NADK: variants seen among roughly 807,000 people sequenced by gnomAD.
The protein encoded by NADK is NAD kinase.
Under a neutral mutation model 49.8 loss-of-function variants are expected in NADK, and 22 were observed. The ratio of observed to expected loss-of-function variants is 0.44; its 90% CI spans 0.32 to 0.63. NADK has a LOEUF of 0.63. NADK is among the 30% of genes least tolerant of loss of function. The probability of loss-of-function intolerance (pLI) is 0.06; values close to 1 mark genes in which losing one functional copy is unlikely to be tolerated. For missense variants in NADK, 438 were observed against 609.4 expected (o/e 0.72, Z 2.96); for synonymous variants, 268 against 253.7 (o/e 1.06, Z -0.54).
intron 2 of NADK, among the ~76,000 whole-genome samples, chr1:1,764,249 C>T (rs974425996): frequency 1.3e-5 from 2 of 152,226 alleles, no homozygotes; most frequent in African/African-American, 4.8e-5. Context: ...AGTCGTGATC[C>T]TTGTTAGGCA....
intron 3 of NADK, chr1:1,758,513 G>A (rs772389952): frequency 1.2e-5 from 20 of 1,609,344 alleles, no homozygotes; most frequent in Non-Finnish European, 1.6e-5. Context: ...CACGCTTGGC[G>A]AACACGCGGC....
At chr1:1,762,118 C>T (rs185775917) in intron 2 of NADK, 83 bp from the exon 3 acceptor site, 44 of 1,183,666 alleles carry the variant, frequency 3.7e-5, no homozygotes, top group Non-Finnish European at 4.9e-5. Context: ...GGAGGTTACA[C>T]GGTAAGGCAT....
At chr1:1,756,991 C>G in intron 4 of NADK, 190 bp downstream of exon 4, 1 of 971,370 alleles carries the variant, frequency 1.0e-6, no homozygotes, top group Middle Eastern at 2.2e-4. Flanking sequence ...GTCACCCAGT[C>G]TGGTGCTTGC....
At chr1:1,758,512 C>A in intron 3 of NADK, 4 of 1,609,394 alleles carry the variant, frequency 2.5e-6, no homozygotes, top group Non-Finnish European at 3.4e-6. Flanking sequence ...CCACGCTTGG[C>A]GAACACGCGG....
At chr1:1,753,812 G>A (rs150557400) in intron 10 of NADK, among the ~76,000 whole-genome samples, 163 bp from the exon 11 acceptor site, 31 of 152,262 alleles carry the variant, frequency 2.0e-4, no homozygotes, top group African/African-American at 5.5e-4. Context: ...GCTCAGCACC[G>A]CCAGAGACCA....
chr1:1,760,671 G>C (rs973960374), intron 3 of NADK, among the ~76,000 whole-genome samples: 2 of 150,138 alleles, frequency 1.3e-5, no homozygotes, highest in African/African-American at 2.5e-5. Context: ...CTCCGTGAAG[G>C]AGGAGGCCCT....
chr1:1,769,946 C>T (rs920561016), intron 1 of NADK, among the ~76,000 whole-genome samples: 2 of 151,648 alleles, frequency 1.3e-5, no homozygotes, highest in Non-Finnish European at 2.9e-5. Context: ...GGAGCAGTGG[C>T]TCTTGCCTGT....
chr1:1,766,613 CA>C, intron 1 of NADK, among the ~76,000 whole-genome samples: 1 of 151,734 alleles, frequency 6.6e-6, no homozygotes, highest in East Asian at 1.9e-4. Context: ...AAATATTTAC[CA>C]AACTGACCAA....
At position 1,754,151 on chromosome 1, in the gene NADK, G is replaced by A; in HGVS notation, c.1001C>T (p.Ser334Phe). The A allele has an allele frequency of 6.2e-7, 1 of 1,612,194 alleles. No individual in the cohort carries two copies. Among genetic ancestry groups the A allele is most frequent in the Non-Finnish European group, 8.5e-7 (1 of 1,179,590 alleles). Reference sequence around the variant, plus strand: ...GGCCGGCACGTTGGGGTGGATCATGGAGGCCCCGGCCGCGGCCGCATACGC... The same window carrying A: ...GGCCGGCACGTTGGGGTGGATCATGAAGGCCCCGGCCGCGGCCGCATACGC... ...STAYAAAAGA[S>F]MIHPNVPAIM... The change falls in exon 10 of 12, where the codon TCC becomes TTC. Residue 334 changes from serine to phenylalanine, a missense_variant. Coordinates refer to ENST00000341426, the MANE Select transcript of NADK (RefSeq NM_023018.5). The surrounding 1 kb of genome is among the most constrained non-coding windows in gnomAD (Gnocchi z 4.3).
chr1:1,754,532 G>A lies in NADK; in HGVS notation c.843+12C>T, dbSNP rs761711454. 22 of 1,605,342 alleles carry A rather than the reference G, an allele frequency of 1.4e-5. No homozygotes were observed. The highest frequency in any genetic ancestry group is 2.7e-5 in the African/African-American group (2 of 74,700). The stretch of plus-strand genomic sequence containing the variant: ...CTGGGCCCCTCACCGAGGCCGAGGC[G>A]CCTCCACTCACCTGGTACTGCATGG... On this transcript the variant is annotated intron_variant, in intron 8 of 11. Coordinates refer to ENST00000341426, the MANE Select transcript of NADK (RefSeq NM_023018.5). This position sits in a 1 kb window ranked among gnomAD's most constrained non-coding sequence, Gnocchi z 4.3.
intron 6 of NADK, 52 bp downstream of exon 6, chr1:1,756,206 C>T (rs114548613): frequency 2.7e-5 from 40 of 1,506,820 alleles, no homozygotes; most frequent in Middle Eastern, 1.8e-4. Context: ...CCCCTCGTTA[C>T]GCAGCACCTA....
Position 1,756,549 on chromosome 1 carries a change from A to G in NADK, c.453T>C (p.Asp151=). The change falls in exon 5 of 12, where the codon GAT becomes GAC. Residue 151 remains aspartate, a synonymous_variant. Transcript: ENST00000341426. ...TCTTCTTCACTGCCCCAAAGCTTTC[A>G]TCGCTGGCGATGGCAGGGTCTTCTA... The part of the protein sequence containing the change: ...KVLEDPAIAS[D]ESFGAVKKKF... 2 of 1,614,112 alleles carry G rather than the reference A, an allele frequency of 1.2e-6. No homozygotes were observed. Among genetic ancestry groups the G allele is most frequent in the Non-Finnish European group, 1.7e-6 (2 of 1,180,032 alleles).
At chr1:1,771,086 A>ACG (rs1646038419) in intron 1 of NADK, among the ~76,000 whole-genome samples, 1 of 147,408 alleles carries the variant, frequency 6.8e-6, no homozygotes, top group African/African-American at 2.5e-5. Context: ...ACACACACAC[A>ACG]CACATATATT....
chr1:1,756,862 G>T (rs375539203), intron 4 of NADK: 1 of 814,392 alleles, frequency 1.2e-6, no homozygotes, highest in Non-Finnish European at 2.2e-6. Flanking sequence ...CCTGGGCGCC[G>T]CAACCCCCAC....
rs905233246 is a variant in NADK, at chr1:1,760,326, C to T, written c.263+1626G>A. On this transcript the variant is annotated intron_variant, in intron 3 of 11. Transcript: ENST00000341426. ...TGCGAGTCACTTCCATCCTAAGGGGCTCCGTCAGCGTCTGGAGCAGCAAGG... is the reference window on the plus strand; with the variant it reads ...TGCGAGTCACTTCCATCCTAAGGGGTTCCGTCAGCGTCTGGAGCAGCAAGG... Among the ~76,000 whole-genome samples, 13 of 152,202 alleles carry T rather than the reference C, an allele frequency of 8.5e-5. No individual in the cohort carries two copies. The East Asian group carries it at 9.6e-4, about 11-fold the overall frequency.
chr1:1,758,201 C>T (rs538913792), intron 3 of NADK, among the ~76,000 whole-genome samples: 25 of 152,338 alleles, frequency 1.6e-4, no homozygotes, highest in African/African-American at 5.3e-4. Context: ...GTTGCCCAAT[C>T]GAGAAAGCTG....
intron 3 of NADK, among the ~76,000 whole-genome samples, chr1:1,759,529 CCCT>C (rs1645646343): frequency 6.6e-6 from 1 of 152,254 alleles, no homozygotes; most frequent in African/African-American, 2.4e-5. Flanking sequence ...GAAGCGGGTG[CCCT>C]CCTCACCAGG....
At chr1:1,770,375 A>C (rs1178061602) in intron 1 of NADK, among the ~76,000 whole-genome samples, 1 of 152,218 alleles carries the variant, frequency 6.6e-6, no homozygotes, top group African/African-American at 2.4e-5. Context: ...AAACAAAATA[A>C]GAAAAGGAAC....
At chr1:1,779,961 G>C (rs906541545), upstream of NADK, 6 of 152,274 alleles carry the variant, frequency 3.9e-5, no homozygotes, top group African/African-American at 7.2e-5. Flanking sequence ...ACACGGCCTG[G>C]CCAAGTCTTC....
Sources: gnomAD v4.1 joint callset for allele counts (sites outside exome capture counted in the v4.1 genomes callset) on GRCh38, gnomAD v4.1.1 for gene constraint, Gnocchi (gnomAD v3.1) non-coding constraint, MANE v1.5 for transcripts, NCBI Gene and HGNC (gene_info 2026-07-23, HGNC 2026-07-21) for gene names.